The following ACAT1 variants were observed in gnomAD, a reference collection of about 807,000 sequenced individuals.
ACAT1 encodes acetyl-CoA acetyltransferase 1.
A neutral mutation model predicts 47.3 loss-of-function variants in ACAT1; 28 were observed. The ratio of observed to expected loss-of-function variants is 0.59; its 90% CI spans 0.44 to 0.81. The LOEUF is 0.81. ACAT1 is among the 30% of genes least tolerant of loss of function. The pLI is 0.00. For missense variants in ACAT1, 469 were observed against 524.3 expected (o/e 0.89, Z 1.03); for synonymous variants, 181 against 173.6 (o/e 1.04, Z -0.34).
chr11:108,126,955 G>A (rs1267288787), intron 1 of ACAT1, among the ~76,000 whole-genome samples: 1 of 151,708 alleles, frequency 6.6e-6, no homozygotes, highest in Non-Finnish European at 1.5e-5. Flanking sequence ...ACCATGCCCT[G>A]TTATTTTTTT....
At chr11:108,124,855 C>T (rs2077220360) in intron 1 of ACAT1, among the ~76,000 whole-genome samples, 1 of 152,150 alleles carries the variant, frequency 6.6e-6, no homozygotes, top group Admixed American at 6.6e-5. Flanking sequence ...CTCAAATGTT[C>T]TTTTCCTGGA....
At chr11:108,117,347 G>A (rs1407608625), upstream of ACAT1, among the ~76,000 whole-genome samples, 3 of 147,294 alleles carry the variant, frequency 2.0e-5, no homozygotes, top group South Asian at 2.1e-4. Flanking sequence ...TTGCTCTGTC[G>A]CCCAGGCTGG....
rs1226885218 is a variant in ACAT1, at chr11:108,133,840, T to G, written c.141T>G (p.Ala47=). ...PTLKEVVIVS[A]TRTPIGSFLG... ...GCCAGGAAGTGGTCATAGTAAGTGC[T>G]ACAAGAACACCCATTGGATCTTTTT... The change falls in exon 3 of 12, where the codon GCT becomes GCG. Residue 47 remains alanine (A), a synonymous_variant. Coordinates refer to ENST00000265838, the MANE Select transcript of ACAT1 (RefSeq NM_000019.4). 1.9e-6 allele frequency: 3 copies of G among 1,614,076 alleles called. No individual in the cohort carries two copies. In the South Asian group the frequency reaches 3.3e-5, roughly 18 times the overall value.
intron 2 of ACAT1, 61 bp from the exon 3 acceptor site, chr11:108,133,755 GTTTA>G (rs2077406801): frequency 1.6e-6 from 2 of 1,288,910 alleles, no homozygotes; most frequent in African/African-American, 1.5e-5. Flanking sequence ...ATATATTTAT[GTTTA>G]TTTAATGAAA....
chr11:108,146,153 T>C (rs1347037040), intron 10 of ACAT1, 49 bp from the exon 11 acceptor site: 6 of 1,439,122 alleles, frequency 4.2e-6, no homozygotes, highest in African/African-American at 1.4e-5. Context: ...TGACAGTAAG[T>C]TGTGATTGCT....
intron 6 of ACAT1, among the ~76,000 whole-genome samples, chr11:108,139,827 A>G (rs2077551528): frequency 6.6e-6 from 1 of 151,838 alleles, no homozygotes; most frequent in Admixed American, 6.6e-5. Flanking sequence ...TGCCCGGCTA[A>G]TTTTTAGTAG....
rs1202341326 is a variant in ACAT1, at chr11:108,147,419, CT to C, written c.*30del. 3 of 1,611,838 alleles carry C rather than the reference CT, an allele frequency of 1.9e-6. No homozygotes were observed. In the South Asian group the frequency reaches 3.3e-5, roughly 18 times the overall value. ...ACCTCTGCTATTTAAGGAGACAACC[CT>C]ATGTGACCAGAAGGCCTGCTGTAAT... is the stretch of plus-strand genomic sequence containing the variant. On this transcript the variant is annotated 3_prime_UTR_variant, in exon 12 of 12. Coordinates refer to ENST00000265838, the MANE Select transcript of ACAT1 (RefSeq NM_000019.4).
At chr11:108,147,137 A>T in intron 11 of ACAT1, 133 bp from the exon 12 acceptor site, 2 of 1,073,534 alleles carry the variant, frequency 1.9e-6, no homozygotes, top group Non-Finnish European at 1.4e-6. Flanking sequence ...TTTTAGTTTT[A>T]GAATAGTAGT....
chr11:108,118,427 T>C (rs1224625799), upstream of ACAT1, among the ~76,000 whole-genome samples: 1 of 152,162 alleles, frequency 6.6e-6, no homozygotes, highest in Non-Finnish European at 1.5e-5. Flanking sequence ...CAGGCTGTAG[T>C]GCAGTGACAC....
At chr11:108,134,936 C>A (rs2077438652) in intron 4 of ACAT1, among the ~76,000 whole-genome samples, 1 of 93,640 alleles carries the variant, frequency 1.1e-5, no homozygotes, top group South Asian at 4.0e-4. Context: ...CAGAGTGAGA[C>A]TCCGTCTCAA....
chr11:108,147,197 T>C (rs1047077614), intron 11 of ACAT1, 73 bp from the exon 12 acceptor site: 27 of 1,564,232 alleles, frequency 1.7e-5, no homozygotes, highest in East Asian at 1.1e-4. Context: ...AGAAGTTAAA[T>C]TGGAATAGAA....
At chr11:108,132,003 G>A (rs1591360446) in intron 2 of ACAT1, 49 bp downstream of exon 2, 3 of 1,235,530 alleles carry the variant, frequency 2.4e-6, no homozygotes, top group Middle Eastern at 1.9e-4. Flanking sequence ...TAAAGGAAAT[G>A]TCAATAAAAA....
chr11:108,145,546 A>G (rs2077687158), intron 10 of ACAT1, among the ~76,000 whole-genome samples: 1 of 152,034 alleles, frequency 6.6e-6, no homozygotes, highest in African/African-American at 2.4e-5. Flanking sequence ...ATAAATCAAC[A>G]ACAACAAAAA....
At chr11:108,124,900 C>G (rs1011595191) in intron 1 of ACAT1, among the ~76,000 whole-genome samples, 11 of 152,162 alleles carry the variant, frequency 7.2e-5, no homozygotes, top group Non-Finnish European at 1.3e-4. Context: ...ATTCATTTCT[C>G]AGCTCCATTA....
chr11:108,146,344 T>C lies in ACAT1; in HGVS notation c.1148T>C (p.Leu383Pro). 6.2e-7 allele frequency: 1 copy of C among 1,614,018 alleles called. No individual in the cohort carries two copies. Among genetic ancestry groups the C allele is most frequent in the Non-Finnish European group, 8.5e-7 (1 of 1,179,942 alleles). ...KVNINGGAVS[L>P]GHPIGMSGAR... ...AATATCAATGGAGGAGCTGTTTCTC[T>C]GGGACATCCAATTGGGTAGGTAAAA... Residue 383 changes from leucine to proline, a missense_variant, in exon 11 of 12, where the codon CTG becomes CCG. Physicochemically the swap from Leu to Pro is moderately conservative, Grantham distance 98 (BLOSUM62 -3). Transcript: ENST00000265838.
At position 108,131,462 on chromosome 11, in the gene ACAT1, C is replaced by T. The variant is rs1048572495; in HGVS notation, c.73-445C>T. Among the ~76,000 whole-genome samples, 5 of 148,674 alleles carry T rather than the reference C, an allele frequency of 3.4e-5. No homozygotes were observed. The Admixed American group carries it at 3.4e-4, about 10-fold the overall frequency. Reference sequence around the variant, plus strand: ...CGCCTCCTGGGTTCAAGCTATTCTCCTGCCTCAGCCTCTGAAGTAGCTGGG... The same window carrying T: ...CGCCTCCTGGGTTCAAGCTATTCTCTTGCCTCAGCCTCTGAAGTAGCTGGG... On this transcript the variant is annotated intron_variant, in intron 1 of 11. Transcript: ENST00000265838.
chr11:108,120,227 T>C (rs1382112148), upstream of ACAT1, among the ~76,000 whole-genome samples: 1 of 151,572 alleles, frequency 6.6e-6, no homozygotes, highest in African/African-American at 2.4e-5. Context: ...CCTATTTAGG[T>C]GGCTTATGCC....
At chr11:108,133,961 T>G (rs771278537) in intron 3 of ACAT1, 24 bp downstream of exon 3, 1 of 1,586,562 alleles carries the variant, frequency 6.3e-7, no homozygotes, top group Admixed American at 1.7e-5. Context: ...TGGCTTTTTG[T>G]GTTAAGGGAG....
chr11:108,123,166 AG>A (rs1436120130), intron 1 of ACAT1, among the ~76,000 whole-genome samples: 2 of 152,000 alleles, frequency 1.3e-5, no homozygotes, highest in Admixed American at 1.3e-4. Context: ...ACCCGGGAGG[AG>A]GGGAAGGTTG....
Sources: gnomAD v4.1 joint callset for allele counts (sites outside exome capture counted in the v4.1 genomes callset) on GRCh38, gnomAD v4.1.1 for gene constraint, MANE v1.5 for transcripts, NCBI Gene and HGNC (gene_info 2026-07-23, HGNC 2026-07-21) for gene names.